The following UGT1A10 variants were observed in gnomAD, a reference collection of about 807,000 sequenced individuals.
UGT1A10 encodes UDP glucuronosyltransferase family 1 member A10.
UGT1A10 carries 49 observed loss-of-function variants against 45.8 expected under a neutral mutation model. That is an observed-to-expected ratio of 1.07 (90% CI 0.85 to 1.36). The LOEUF is 1.36. Ranked by LOEUF, UGT1A10 falls within the 40% of genes most tolerant of loss-of-function variation. The probability of loss-of-function intolerance (pLI) is 0.00; values close to 1 mark genes in which losing one functional copy is unlikely to be tolerated. For synonymous variants in UGT1A10, 284 were observed against 249.7 expected (o/e 1.14, Z -1.29); for missense variants, 745 against 668.6 (o/e 1.11, Z -1.26).
chr2:233,743,699 G>A (rs780880081), intron 1 of UGT1A10: 5 of 1,367,152 alleles, frequency 3.7e-6, no homozygotes, highest in African/African-American at 3.0e-5. Context: ...GCCGCCCTCC[G>A]CCCCCGCCTC....
rs953772637 is a variant in UGT1A10, at chr2:233,636,543, C to G, written c.21C>G (p.Thr7=). MARAGW[T]SPVPLCVCLL... is the part of the protein sequence containing the mutation. ...CTCTCATGGCTCGCGCAGGGTGGAC[C>G]AGCCCCGTTCCTTTATGTGTGTGTC... Residue 7 remains threonine, a synonymous_variant, in exon 1 of 5, where the codon ACC becomes ACG. Coordinates refer to ENST00000344644, the MANE Select transcript of UGT1A10 (RefSeq NM_019075.4). 1.2e-6 allele frequency: 2 copies of G among 1,613,926 alleles called. No homozygotes were observed. The highest frequency in any genetic ancestry group is 1.7e-5 in the Admixed American group (1 of 60,012).
At chr2:233,672,725 C>T (rs2074238517) in intron 1 of UGT1A10, 6 of 1,613,914 alleles carry the variant, frequency 3.7e-6, no homozygotes, top group Non-Finnish European at 5.1e-6. Context: ...TATCCCAAAC[C>T]CGTGATGCCC....
At chr2:233,642,960 C>A (rs888463492) in intron 1 of UGT1A10, among the ~76,000 whole-genome samples, 1 of 152,182 alleles carries the variant, frequency 6.6e-6, no homozygotes, top group Non-Finnish European at 1.5e-5. Context: ...ACACAAGCAT[C>A]CTTGTGGCCA....
chr2:233,700,589 G>T (rs1048954941), intron 1 of UGT1A10, among the ~76,000 whole-genome samples: 1 of 152,036 alleles, frequency 6.6e-6, no homozygotes, highest in Admixed American at 6.5e-5. Flanking sequence ...AATTTATTAT[G>T]ATACAATTCA....
intron 1 of UGT1A10, among the ~76,000 whole-genome samples, chr2:233,766,396 G>A (rs1050069085): frequency 2.0e-5 from 3 of 152,150 alleles, no homozygotes; most frequent in East Asian, 3.9e-4. Context: ...CTGTCCTTGC[G>A]TCCCTCCGCT....
intron 1 of UGT1A10, among the ~76,000 whole-genome samples, chr2:233,696,280 G>A (rs1402810129): frequency 1.3e-5 from 2 of 152,172 alleles, no homozygotes; most frequent in East Asian, 1.9e-4. Flanking sequence ...TAAAGAAAAC[G>A]TAGGACTGTA....
At chr2:233,645,977 C>T (rs552231452) in intron 1 of UGT1A10, among the ~76,000 whole-genome samples, 1 of 152,326 alleles carries the variant, frequency 6.6e-6, no homozygotes, top group East Asian at 1.9e-4. Flanking sequence ...GGGTCCTGCC[C>T]CTGCAGCAAA....
At chr2:233,742,175 T>C (rs1052722591) in intron 1 of UGT1A10, among the ~76,000 whole-genome samples, 7 of 151,768 alleles carry the variant, frequency 4.6e-5, no homozygotes, top group African/African-American at 1.5e-4. Flanking sequence ...CACAGAAATA[T>C]AGAGTGTGGA....
intron 1 of UGT1A10, among the ~76,000 whole-genome samples, chr2:233,745,315 A>G (rs1693069084): frequency 2.0e-5 from 3 of 151,844 alleles, no homozygotes; most frequent in African/African-American, 4.9e-5. Flanking sequence ...GATTATTTCC[A>G]CTAGAACTGC....
At chr2:233,661,895 GACAA>G (rs1250324578) in intron 1 of UGT1A10, among the ~76,000 whole-genome samples, 1 of 151,688 alleles carries the variant, frequency 6.6e-6, no homozygotes, top group East Asian at 1.9e-4. Flanking sequence ...CACCAAACAT[GACAA>G]ACAATGCATG....
intron 1 of UGT1A10, among the ~76,000 whole-genome samples, chr2:233,740,427 G>A (rs1010864100): frequency 1.4e-4 from 22 of 151,978 alleles, no homozygotes; most frequent in Admixed American, 1.4e-3. Flanking sequence ...CCTGTTTGGA[G>A]ACAGAAAGTG....
intron 1 of UGT1A10, among the ~76,000 whole-genome samples, chr2:233,662,356 T>G (rs2073990417): frequency 6.6e-6 from 1 of 152,250 alleles, no homozygotes; most frequent in South Asian, 2.1e-4. Flanking sequence ...TTTTTCAATT[T>G]GTTGCAAATC....
At chr2:233,693,889 A>T (rs1290014907) in intron 1 of UGT1A10, 8 of 1,613,866 alleles carry the variant, frequency 5.0e-6, no homozygotes, top group African/African-American at 1.3e-5. Context: ...TTTCTTTTGG[A>T]CTGCCTTGTT....
chr2:233,650,990 C>G (rs186175565), intron 1 of UGT1A10, among the ~76,000 whole-genome samples: 3 of 152,138 alleles, frequency 2.0e-5, no homozygotes, highest in African/African-American at 7.2e-5. Context: ...TCTCACACAT[C>G]GGCAGCTGTT....
chr2:233,675,981 T>C (rs1013373282), intron 1 of UGT1A10, among the ~76,000 whole-genome samples: 1 of 152,188 alleles, frequency 6.6e-6, no homozygotes, highest in Non-Finnish European at 1.5e-5. Flanking sequence ...CATCTTTCCA[T>C]ACAGATCAAT....
At position 233,767,839 on chromosome 2, in the gene UGT1A10, C is replaced by A; in HGVS notation, c.988-10C>A. The A allele has an allele frequency of 6.2e-7, 1 of 1,614,144 alleles. No individual in the cohort carries two copies. Among genetic ancestry groups the A allele is most frequent in the Non-Finnish European group, 8.5e-7 (1 of 1,180,028 alleles). ...CTTTCTTTACGTTCTGCTCTTTTTG[C>A]CCCTCCCAGGTCCTGTGGCGGTACA... On this transcript the variant is annotated splice_polypyrimidine_tract_variant and intron_variant, in intron 2 of 4. Coordinates refer to ENST00000344644, the MANE Select transcript of UGT1A10 (RefSeq NM_019075.4).
intron 1 of UGT1A10, among the ~76,000 whole-genome samples, chr2:233,664,938 A>G (rs1174789484): frequency 1.3e-5 from 2 of 152,232 alleles, no homozygotes; most frequent in Non-Finnish European, 2.9e-5. Context: ...GCATTTAAAG[A>G]TACTCTTTTT....
At chr2:233,756,614 T>C (rs978971075) in intron 1 of UGT1A10, among the ~76,000 whole-genome samples, 2 of 152,204 alleles carry the variant, frequency 1.3e-5, no homozygotes, top group African/African-American at 4.8e-5. Context: ...CCATTAAGAC[T>C]TGCAGGCCGT....
At chr2:233,682,755 G>A (rs773040250) in intron 1 of UGT1A10, 2 of 1,613,724 alleles carry the variant, frequency 1.2e-6, no homozygotes, top group Admixed American at 1.7e-5. Flanking sequence ...ATCTTCATTG[G>A]TGGTATCAAC....
Sources: gnomAD v4.1 joint callset for allele counts (sites outside exome capture counted in the v4.1 genomes callset) on GRCh38, gnomAD v4.1.1 for gene constraint, MANE v1.5 for transcripts, NCBI Gene and HGNC (gene_info 2026-07-23, HGNC 2026-07-21) for gene names.